Variants in RSBN1L observed in about 807,000 individuals in gnomAD.
RSBN1L encodes round spermatid basic protein 1 like, also known as lysine-specific demethylase RSBN1L.
RSBN1L carries 30 observed loss-of-function variants against 67.7 expected under a neutral mutation model. The ratio of observed to expected loss-of-function variants is 0.44; its 90% CI spans 0.33 to 0.60. RSBN1L has a LOEUF of 0.60. Among genes scored for constraint, RSBN1L ranks in the 20% least tolerant of loss-of-function variants. The pLI, the probability that RSBN1L is intolerant of heterozygous loss-of-function variation, is 0.02. For synonymous variants in RSBN1L, 433 were observed against 387.0 expected, an observed-to-expected ratio of 1.12 and a Z score of -1.39; for missense variants, 992 against 1,031.7, an observed-to-expected ratio of 0.96 and a Z score of 0.53.
At chr7:77,733,974 A>G (rs946006499) in intron 1 of RSBN1L, among the ~76,000 whole-genome samples, 2 of 152,212 alleles carry the variant, frequency 1.3e-5, no homozygotes, top group African/African-American at 4.8e-5. Flanking sequence ...TAAAAATACA[A>G]AAATTAGCCG....
chr7:77,732,279 C>G (rs564756527), intron 1 of RSBN1L, among the ~76,000 whole-genome samples: 37 of 152,214 alleles, frequency 2.4e-4, no homozygotes, highest in Non-Finnish European at 4.7e-4. Context: ...AACAGTGATG[C>G]CACGGCACTG....
chr7:77,739,933 G>A (rs1474140859), intron 2 of RSBN1L, among the ~76,000 whole-genome samples: 8 of 150,312 alleles, frequency 5.3e-5, no homozygotes, highest in Admixed American at 4.6e-4. Flanking sequence ...TTGTATTTTA[G>A]TAGAGACAGG....
chr7:77,777,097 C>T (rs1028105679), intron 6 of RSBN1L, among the ~76,000 whole-genome samples: 3 of 151,560 alleles, frequency 2.0e-5, no homozygotes, highest in African/African-American at 7.3e-5. Flanking sequence ...CCACAATCTA[C>T]CTTCAAATAA....
intron 1 of RSBN1L, among the ~76,000 whole-genome samples, chr7:77,730,022 T>G (rs1791254216): frequency 6.6e-6 from 1 of 152,218 alleles, no homozygotes; most frequent in Non-Finnish European, 1.5e-5. Context: ...AAACACATAC[T>G]TTATATATGT....
At chr7:77,757,637 A>T (rs1358173166) in intron 3 of RSBN1L, among the ~76,000 whole-genome samples, 1 of 152,236 alleles carries the variant, frequency 6.6e-6, no homozygotes, top group Non-Finnish European at 1.5e-5. Flanking sequence ...GTCTCTGCTA[A>T]CTTAGCTGGG....
chr7:77,750,028 T>C lies in RSBN1L; in HGVS notation c.1308T>C (p.Asp436=). ...AAATGGAGATATTGGGAAAGAAAGA[T>C]ATAGAGACAACGACTATGTCCAATT... ...PVKMEILGKK[D]IETTTMSNFH... is the part of the protein sequence containing the mutation. The change falls in exon 3 of 8, where the codon GAT becomes GAC. Residue 436 remains aspartate (D), a synonymous_variant. Transcript: ENST00000334955. The C allele has an allele frequency of 6.2e-7, 1 of 1,611,078 alleles. No individual in the cohort carries two copies.
intron 2 of RSBN1L, among the ~76,000 whole-genome samples, chr7:77,740,829 C>G (rs1156664354): frequency 6.6e-6 from 1 of 151,958 alleles, no homozygotes; most frequent in Non-Finnish European, 1.5e-5. Context: ...ATACCTGCAT[C>G]TCTGTTTCTG....
At chr7:77,721,353 C>T (rs1032424577) in intron 1 of RSBN1L, among the ~76,000 whole-genome samples, 4 of 151,858 alleles carry the variant, frequency 2.6e-5, no homozygotes, top group African/African-American at 9.7e-5. Context: ...TTGAGCATCA[C>T]TTATATGCAA....
intron 1 of RSBN1L, among the ~76,000 whole-genome samples, chr7:77,717,344 C>G (rs192238219): frequency 1.3e-5 from 2 of 151,910 alleles, no homozygotes; most frequent in Admixed American, 1.3e-4. Flanking sequence ...GGAGTTTTTC[C>G]TAGTATATTT....
chr7:77,752,417 T>C (rs1176541116), intron 3 of RSBN1L, among the ~76,000 whole-genome samples: 2 of 151,584 alleles, frequency 1.3e-5, no homozygotes, highest in Non-Finnish European at 2.9e-5. Context: ...TCAGATCTTA[T>C]TCCTGTGAGT....
chr7:77,713,950 C>A (rs961854492), intron 1 of RSBN1L, among the ~76,000 whole-genome samples: 12 of 152,062 alleles, frequency 7.9e-5, no homozygotes, highest in African/African-American at 2.9e-4. Context: ...ATTAGGAATC[C>A]AAATTAATTT....
intron 1 of RSBN1L, among the ~76,000 whole-genome samples, chr7:77,724,520 G>A (rs369235913): frequency 6.6e-6 from 1 of 151,320 alleles, no homozygotes; most frequent in Middle Eastern, 3.4e-3. Flanking sequence ...GTGCCTCCTG[G>A]GTTCAAGTGA....
intron 4 of RSBN1L, among the ~76,000 whole-genome samples, chr7:77,766,859 G>A (rs1376208893): frequency 6.6e-6 from 1 of 150,996 alleles, no homozygotes; most frequent in Non-Finnish European, 1.5e-5. Flanking sequence ...TAAACTTTTT[G>A]TTCCTTTTCT....
intron 1 of RSBN1L, among the ~76,000 whole-genome samples, chr7:77,730,291 T>C (rs369507151): frequency 6.6e-6 from 1 of 152,184 alleles, no homozygotes; most frequent in Non-Finnish European, 1.5e-5. Context: ...GAGCAGAAGC[T>C]ACAGACTTCT....
intron 1 of RSBN1L, among the ~76,000 whole-genome samples, chr7:77,703,303 G>T (rs1790842433): frequency 6.6e-6 from 1 of 151,862 alleles, no homozygotes; most frequent in Non-Finnish European, 1.5e-5. Context: ...CTTTTCTGGG[G>T]TATTGCAGGA....
intron 3 of RSBN1L, among the ~76,000 whole-genome samples, chr7:77,753,717 T>C (rs536053610): frequency 6.6e-6 from 1 of 152,364 alleles, no homozygotes; most frequent in South Asian, 2.1e-4. Context: ...TGTGAAGTTT[T>C]CTTCTGGAAA....
chr7:77,713,911 G>T (rs996261757), intron 1 of RSBN1L, among the ~76,000 whole-genome samples: 1 of 152,014 alleles, frequency 6.6e-6, no homozygotes. Flanking sequence ...TAAAATCTTT[G>T]CTCTGTTTAG....
At chr7:77,707,254 C>A (rs1156785055) in intron 1 of RSBN1L, among the ~76,000 whole-genome samples, 1 of 152,088 alleles carries the variant, frequency 6.6e-6, no homozygotes, top group African/African-American at 2.4e-5. Flanking sequence ...GAATGCCCGA[C>A]CTCAAGTGAT....
intron 3 of RSBN1L, among the ~76,000 whole-genome samples, chr7:77,754,751 C>T (rs552038660): frequency 2.4e-4 from 36 of 152,194 alleles, no homozygotes; most frequent in African/African-American, 8.2e-4. Context: ...AAGAGGATCA[C>T]TAGGACCCAG....
Sources: allele counts gnomAD v4.1 joint callset (sites outside exome capture counted in the v4.1 genomes callset), GRCh38; gene constraint gnomAD v4.1.1; transcripts MANE v1.5; gene names NCBI Gene and HGNC (gene_info 2026-07-23, HGNC 2026-07-21).